TP63: variants seen among roughly 807,000 people sequenced by gnomAD.
TP63 encodes the protein tumor protein 63.
A neutral mutation model predicts 82.8 loss-of-function variants in TP63; 17 were observed. The observed-to-expected ratio is 0.21, with a 90% CI of 0.14 to 0.31. TP63 has a LOEUF of 0.31. Among genes scored for constraint, TP63 ranks in the 10% least tolerant of loss-of-function variants. TP63 has a pLI of 1.00. For synonymous variants in TP63, 330 were observed against 321.7 expected, an observed-to-expected ratio of 1.03 and a Z score of -0.28; for missense variants, 648 against 895.3, an observed-to-expected ratio of 0.72 and a Z score of 3.52.
At chr3:189,608,890 G>A in the TP63 span, among the ~76,000 whole-genome samples, 3 of 151,936 alleles carry the variant, frequency 2.0e-5, no homozygotes, top group Non-Finnish European at 2.9e-5. Context: ...CCTGCCTCTC[G>A]GTAACATGTA....
chr3:189,717,331 A>C (rs1719037647), intron 1 of TP63, among the ~76,000 whole-genome samples: 1 of 152,200 alleles, frequency 6.6e-6, no homozygotes, highest in Non-Finnish European at 1.5e-5. Context: ...ATTTCATAAT[A>C]AATAATGTAC....
chr3:189,698,468 TA>T (rs547304278), intron 1 of TP63, among the ~76,000 whole-genome samples: 19 of 152,266 alleles, frequency 1.2e-4, no homozygotes, highest in African/African-American at 4.6e-4. Flanking sequence ...AGCTATGTGT[TA>T]TTTCTCGAAG....
intron 4 of TP63, among the ~76,000 whole-genome samples, chr3:189,848,239 T>TCCTCTCTCTCTC (rs372147574): frequency 5.2e-5 from 5 of 95,984 alleles, no homozygotes; most frequent in Non-Finnish European, 1.0e-4. Flanking sequence ...CTCCTCCTCC[T>TCCTCTCTCTCTC]TCTCTCTCTC....
intron 1 of TP63, among the ~76,000 whole-genome samples, chr3:189,663,793 G>T (rs1714140210): frequency 6.6e-6 from 1 of 152,010 alleles, no homozygotes; most frequent in Admixed American, 6.6e-5. Flanking sequence ...CTCCCAAAAT[G>T]CTGGGATTGC....
At chr3:189,719,786 C>G (rs1421392374) in intron 1 of TP63, among the ~76,000 whole-genome samples, 3 of 152,142 alleles carry the variant, frequency 2.0e-5, no homozygotes, top group African/African-American at 4.8e-5. Context: ...TTCGTGAGCG[C>G]TTTTCTTTGG....
intron 3 of TP63, among the ~76,000 whole-genome samples, chr3:189,762,222 T>C (rs1489255004): frequency 6.6e-6 from 1 of 152,248 alleles, no homozygotes; most frequent in Non-Finnish European, 1.5e-5. Context: ...CCACAAAGGC[T>C]GCCTGTTAGG....
intron 1 of TP63, among the ~76,000 whole-genome samples, chr3:189,662,419 G>A (rs972081400): frequency 6.6e-6 from 1 of 151,930 alleles, no homozygotes. Context: ...ATTCCACTGT[G>A]ATCTGAGAGT....
At chr3:189,737,142 C>A (rs896076285) in intron 1 of TP63, among the ~76,000 whole-genome samples, 1 of 152,038 alleles carries the variant, frequency 6.6e-6, no homozygotes, top group Admixed American at 6.5e-5. Flanking sequence ...AATTAAGAAC[C>A]ACCCACACAT....
chr3:189,741,508 A>G (rs1409735218), intron 3 of TP63, among the ~76,000 whole-genome samples: 3 of 152,274 alleles, frequency 2.0e-5, no homozygotes, highest in East Asian at 1.9e-4. Context: ...TTTTCCACGT[A>G]TAGGTTAATA....
At chr3:189,768,147 G>T (rs1371543214) in intron 3 of TP63, among the ~76,000 whole-genome samples, 1 of 152,120 alleles carries the variant, frequency 6.6e-6, no homozygotes, top group East Asian at 1.9e-4. Flanking sequence ...TTTTGTTGCT[G>T]CTGTTGCTGT....
intron 3 of TP63, 182 bp downstream of exon 3, chr3:189,738,956 C>T (rs1484071111): frequency 7.6e-6 from 6 of 784,774 alleles, no homozygotes; most frequent in Non-Finnish European, 1.2e-5. Context: ...GGGTCTGCCG[C>T]AAATATCTAT....
In TP63 at chr3:189,886,460, G is replaced by T. The variant is rs755205138; in HGVS notation, c.1416G>T (p.Met472Ile). 1.6e-5 allele frequency: 26 copies of T among 1,614,084 alleles called. No individual in the cohort carries two copies. Among genetic ancestry groups the T allele is most frequent in the Non-Finnish European group, 2.1e-5 (25 of 1,180,008 alleles). ...CACCTCTGAACAAAATGAACAGCAT[G>T]AACAAGCTGCCTTCTGTGAGCCAGC... is the stretch of plus-strand genomic sequence containing the variant. ...SSPPLNKMNS[M>I]NKLPSVSQLI... The change falls in exon 11 of 14, where the codon ATG becomes ATT. Residue 472 changes from methionine (M) to isoleucine (I), a missense_variant. Transcript: ENST00000264731.
At position 189,894,736 on chromosome 3, in the gene TP63, G is replaced by C; in HGVS notation, c.*234G>C. On this transcript the variant is annotated 3_prime_UTR_variant, in exon 14 of 14. Coordinates refer to ENST00000264731, the MANE Select transcript of TP63 (RefSeq NM_003722.5). ...TGCAGAACTGTAGCTGCCATGGCTA[G>C]GTAGAAGTGAGCAAAAAAGAGTTGG... The C allele has an allele frequency of 1.8e-6, 1 of 557,722 alleles. No individual in the cohort carries two copies. The allele number at this position is 557,722 out of a possible 1,614,324, so 34.5% of individuals were successfully genotyped here.
the TP63 span, among the ~76,000 whole-genome samples, chr3:189,614,973 A>G: frequency 6.6e-6 from 1 of 152,200 alleles, no homozygotes; most frequent in Non-Finnish European, 1.5e-5. Context: ...TCCTGGCTCA[A>G]TTTGGACTGT....
chr3:189,819,383 T>C (rs1252042798), intron 4 of TP63, among the ~76,000 whole-genome samples: 1 of 152,100 alleles, frequency 6.6e-6, no homozygotes, highest in Non-Finnish European at 1.5e-5. Flanking sequence ...CATGTTGGTG[T>C]GCTGCACCCA....
chr3:189,620,163 G>T, the TP63 span, among the ~76,000 whole-genome samples: 1,308 of 152,296 alleles, frequency 8.6e-3, 63 homozygotes, highest in Admixed American at 0.079. Context: ...ACGAGGTCAA[G>T]AGATCGAGAC....
chr3:189,628,106 A>AT (rs1729360367), upstream of TP63, among the ~76,000 whole-genome samples: 1 of 152,154 alleles, frequency 6.6e-6, no homozygotes, highest in Non-Finnish European at 1.5e-5. Flanking sequence ...CTATTCAAAA[A>AT]TAGCTAGACT....
intron 10 of TP63, 23 bp from the exon 11 acceptor site, chr3:189,886,371 T>A (rs1345186): frequency 2.4e-5 from 39 of 1,612,760 alleles, no homozygotes; most frequent in Middle Eastern, 1.7e-4. Context: ...TGCTCACCAT[T>A]ATTTCCATGT....
At chr3:189,607,072 A>G in the TP63 span, among the ~76,000 whole-genome samples, 1 of 152,192 alleles carries the variant, frequency 6.6e-6, no homozygotes, top group Non-Finnish European at 1.5e-5. Context: ...GGTGCCAGTG[A>G]GAAATGGTAT....
Sources: allele counts gnomAD v4.1 joint callset (sites outside exome capture counted in the v4.1 genomes callset), GRCh38; gene constraint gnomAD v4.1.1; transcripts MANE v1.5; gene names NCBI Gene and HGNC (gene_info 2026-07-23, HGNC 2026-07-21).